Variants in CAPS observed in about 807,000 individuals in gnomAD.
CAPS encodes calcyphosin.
CAPS carries 16 observed loss-of-function variants against 15.5 expected under a neutral mutation model. The ratio of observed to expected loss-of-function variants is 1.03; its 90% CI spans 0.70 to 1.57. The LOEUF (loss-of-function observed/expected upper bound fraction) is 1.57. Ranked by LOEUF, CAPS falls within the 40% of genes most tolerant of loss-of-function variation. The probability of loss-of-function intolerance (pLI) is 0.00; values close to 1 mark genes in which losing one functional copy is unlikely to be tolerated. For missense variants in CAPS, 294 were observed against 278.4 expected (o/e 1.06, Z -0.40); for synonymous variants, 121 against 116.0 (o/e 1.04, Z -0.28).
At position 5,914,639 on chromosome 19, in the gene CAPS, G is replaced by C. The variant is rs199930097; in HGVS notation, c.160G>C (p.Gly54Arg). The change falls in exon 3 of 5, where the codon GGG becomes CGG. Residue 54 changes from glycine (G) to arginine (R), a missense_variant. Physicochemically the swap from Gly to Arg is moderately radical, Grantham distance 125. Coordinates refer to ENST00000588776, the MANE Select transcript of CAPS (RefSeq NM_004058.5). Reference sequence around the variant, plus strand: ...GTTCCGGCAGGGTCTGGCCAAACTCGGGCTGGTGCTGGACCAGGCGGAGGC... The same window carrying C: ...GTTCCGGCAGGGTCTGGCCAAACTCCGGCTGGTGCTGGACCAGGCGGAGGC... ...DEFRQGLAKL[G>R]LVLDQAEAEG... The C allele has an allele frequency of 9.9e-6, 16 of 1,614,016 alleles. No homozygotes were observed. The highest frequency in any genetic ancestry group is 2.2e-5 in the East Asian group (1 of 44,874).
Position 5,915,582 on chromosome 19 carries a change from G to T in CAPS, c.*260G>T, listed in dbSNP as rs1005166857. 8 of 464,586 alleles carry T rather than the reference G, an allele frequency of 1.7e-5. No individual in the cohort carries two copies. The East Asian group carries it at 2.5e-4, about 14-fold the overall frequency. 28.8% of individuals were successfully genotyped at this position (464,586 alleles called of 1,614,324 possible). A position where few individuals can be genotyped will look rare whatever the true frequency, so the allele number is the denominator to read the frequency against. ...CCCCACCCACGCCATGCTGACCAGA[G>T]ATCTTGCAGCCCCTGTGGATGCCCC... On this transcript the variant is annotated 3_prime_UTR_variant, in exon 5 of 5. Coordinates refer to ENST00000588776, the MANE Select transcript of CAPS (RefSeq NM_004058.5).
In CAPS at chr19:5,915,204, C is replaced by G; in HGVS notation, c.469-17C>G. ...GCAGTTCCTCGGCCGTGCCCCCTCA[C>G]GGCCCTCTGTTCCCAGGTCACACTG... On this transcript the variant is annotated splice_polypyrimidine_tract_variant and intron_variant, in intron 4 of 4. Coordinates refer to ENST00000588776, the MANE Select transcript of CAPS (RefSeq NM_004058.5). 4 of 1,611,594 alleles carry G rather than the reference C, an allele frequency of 2.5e-6. No individual in the cohort carries two copies. Among genetic ancestry groups the G allele is most frequent in the Non-Finnish European group, 3.4e-6 (4 of 1,178,944 alleles).
Position 5,914,492 on chromosome 19 carries a change from G to A in CAPS, c.83+3G>A, listed in dbSNP as rs2057712698. On this transcript the variant is annotated splice_donor_region_variant and intron_variant, in intron 2 of 4. Transcript: ENST00000588776. ...TCGGGCATCCAGGGCCTGGCCAGGT[G>A]AGCTGTCCCCTCTCACCTTCCTGAC... is the stretch of plus-strand genomic sequence containing the variant. 9 of 1,609,814 alleles carry A rather than the reference G, an allele frequency of 5.6e-6. No individual in the cohort carries two copies. Among genetic ancestry groups the A allele is most frequent in the East Asian group, 2.2e-5 (1 of 44,802 alleles).
chr19:5,915,374 G>A lies in CAPS; in HGVS notation c.*52G>A, dbSNP rs112677196. On this transcript the variant is annotated 3_prime_UTR_variant, in exon 5 of 5. Coordinates refer to ENST00000588776, the MANE Select transcript of CAPS (RefSeq NM_004058.5). Reference sequence around the variant, plus strand: ...TGGCCTGTCACTCCCCACCCCTGCCGGAGACCTCCCTTCCCTGGGCCCCTT... The same window carrying A: ...TGGCCTGTCACTCCCCACCCCTGCCAGAGACCTCCCTTCCCTGGGCCCCTT... The A allele has an allele frequency of 3.7e-4, 502 of 1,342,804 alleles. 1 individual carries two copies. The highest frequency in any genetic ancestry group is 3.0e-3 in the Middle Eastern group (12 of 3,940). 83.2% of individuals were successfully genotyped at this position (1,342,804 alleles called of 1,614,324 possible). A position where few individuals can be genotyped will look rare whatever the true frequency, so the allele number is the denominator to read the frequency against.
chr19:5,914,807 G>A (rs957637819), intron 3 of CAPS, 67 bp downstream of exon 3: 20 of 1,556,494 alleles, frequency 1.3e-5, no homozygotes, highest in South Asian at 3.6e-5. Context: ...GCTGAGATGC[G>A]GAGACGGGGA....
rs2057715876 is a variant in CAPS, at chr19:5,914,704, G to A, written c.225G>A (p.Gly75=). 3.1e-6 allele frequency: 5 copies of A among 1,613,580 alleles called. No homozygotes were observed. The highest frequency in any genetic ancestry group is 4.2e-6 in the Non-Finnish European group (5 of 1,179,794). The change falls in exon 3 of 5, where the codon GGG becomes GGA. Residue 75 remains glycine (G), a synonymous_variant. Coordinates refer to ENST00000588776, the MANE Select transcript of CAPS (RefSeq NM_004058.5). ...VCRKWDRNGS[G]TLDLEEFLRA... Reference sequence around the variant, plus strand: ...GGAAGTGGGACCGCAATGGCAGCGGGACGCTGGATCTGGAGGAGTTCCTTC... The same window carrying A: ...GGAAGTGGGACCGCAATGGCAGCGGAACGCTGGATCTGGAGGAGTTCCTTC...
Position 5,914,711 on chromosome 19 carries a change from G to C in CAPS, c.232G>C (p.Asp78His). ...GGACCGCAATGGCAGCGGGACGCTG[G>C]ATCTGGAGGAGTTCCTTCGGGCGCT... is the stretch of plus-strand genomic sequence containing the variant. ...KWDRNGSGTLDLEEFLRALRP... is the reference protein window; with the variant it reads ...KWDRNGSGTLHLEEFLRALRP... Residue 78 changes from aspartate (D) to histidine (H), a missense_variant, in exon 3 of 5, where the codon GAT (aspartate) becomes CAT (histidine). By Grantham distance (81) the Asp-to-His change is moderately conservative (BLOSUM62 -1). Transcript: ENST00000588776. The C allele has an allele frequency of 6.2e-7, 1 of 1,613,174 alleles. No homozygotes were observed. The highest frequency in any genetic ancestry group is 1.1e-5 in the South Asian group (1 of 90,982).
chr19:5,914,863 A>G, intron 3 of CAPS, 77 bp from the exon 4 acceptor site: 2 of 1,518,252 alleles, frequency 1.3e-6, no homozygotes, highest in Non-Finnish European at 1.8e-6. Flanking sequence ...TGGGGCATAC[A>G]GCCCCAGTGC....
At position 5,914,276 on chromosome 19, in the gene CAPS, C is replaced by G; in HGVS notation, c.-56C>G. On this transcript the variant is annotated 5_prime_UTR_variant, in exon 1 of 5. Transcript: ENST00000588776. ...GGCACAACACAGCTAACACAAGGCC[C>G]CGCAGGCAGGACTCTGGGACAGACG... The G allele has an allele frequency of 6.4e-7, 1 of 1,571,874 alleles. No individual in the cohort carries two copies. The highest frequency in any genetic ancestry group is 8.6e-7 in the Non-Finnish European group (1 of 1,159,624).
chr19:5,914,354 G>T, intron 1 of CAPS, 31 bp from the exon 2 acceptor site: 1 of 1,612,894 alleles, frequency 6.2e-7, no homozygotes. Context: ...GGGCTTGCGG[G>T]AGTCCCCACC....
rs2057726304 is a variant in CAPS, at chr19:5,915,474, G to T, written c.*152G>T. ...GGAGGCTGCAGGACTGGCTAGACCA[G>T]GTCCCTGCCGGTCCACCAGGCGGAG... On this transcript the variant is annotated 3_prime_UTR_variant, in exon 5 of 5. Coordinates refer to ENST00000588776, the MANE Select transcript of CAPS (RefSeq NM_004058.5). 3 of 605,278 alleles carry T rather than the reference G, an allele frequency of 5.0e-6. No individual in the cohort carries two copies. Among genetic ancestry groups the T allele is most frequent in the South Asian group, 2.0e-5 (1 of 48,880 alleles). 37.5% of individuals were successfully genotyped at this position (605,278 alleles called of 1,614,324 possible).
At chr19:5,914,808 G>A in intron 3 of CAPS, 68 bp downstream of exon 3, 1 of 1,557,894 alleles carries the variant, frequency 6.4e-7, no homozygotes, top group Non-Finnish European at 8.7e-7. Context: ...CTGAGATGCG[G>A]AGACGGGGAC....
chr19:5,914,903 G>C (rs1332691419), intron 3 of CAPS, 37 bp from the exon 4 acceptor site: 1 of 1,578,500 alleles, frequency 6.3e-7, no homozygotes, highest in Non-Finnish European at 8.6e-7. Flanking sequence ...GTTTGGGTGT[G>C]CTACCCACCA....
Position 5,915,222 on chromosome 19 carries a change from T to C in CAPS, c.470T>C (p.Val157Ala). 1 of 1,612,678 alleles carries C rather than the reference T, an allele frequency of 6.2e-7. No homozygotes were observed. Among genetic ancestry groups the C allele is most frequent in the Non-Finnish European group, 8.5e-7 (1 of 1,179,688 alleles). The change falls in exon 5 of 5, where the codon GTC becomes GCC. Residue 157 changes from valine to alanine, a missense_variant and splice_region_variant. Transcript: ENST00000588776. ...NFDSSEKDGQ[V>A]TLAEFQDYYS... ...CCCCTCACGGCCCTCTGTTCCCAGG[T>C]CACACTGGCGGAATTCCAGGACTAC...
chr19:5,915,147 G>C lies in CAPS; in HGVS notation c.468+1G>C. On this transcript the variant is annotated splice_donor_variant, in intron 4 of 4. Transcript: ENST00000588776. LOFTEE classifies it high-confidence loss of function. ...CGACTCCTCTGAGAAGGACGGGCAG[G>C]TGGGTGGCTGCGCGGGGGGCCCCCT... is the stretch of plus-strand genomic sequence containing the variant. 6.2e-7 allele frequency: 1 copy of C among 1,612,938 alleles called. No homozygotes were observed. The highest frequency in any genetic ancestry group is 8.5e-7 in the Non-Finnish European group (1 of 1,179,732).
At chr19:5,914,878 C>T in intron 3 of CAPS, 62 bp from the exon 4 acceptor site, 1 of 1,556,362 alleles carries the variant, frequency 6.4e-7, no homozygotes, top group South Asian at 1.2e-5. Flanking sequence ...CAGTGCTCTG[C>T]ACAGCGTCTT....
At chr19:5,914,511 T>C in intron 2 of CAPS, 22 bp downstream of exon 2, 1 of 1,606,626 alleles carries the variant, frequency 6.2e-7, no homozygotes, top group South Asian at 1.1e-5. Context: ...CCTCTCACCT[T>C]CCTGACCCCG....
chr19:5,915,492 AGGC>A lies in CAPS; in HGVS notation c.*173_*175del. ...TAGACCAGGTCCCTGCCGGTCCACC[AGGC>A]GGAGGTGGGACAAAGGTCCTAACAG... On this transcript the variant is annotated 3_prime_UTR_variant, in exon 5 of 5. Transcript: ENST00000588776. 1.7e-6 allele frequency: 1 copy of A among 600,392 alleles called. No homozygotes were observed. Among genetic ancestry groups the A allele is most frequent in the East Asian group, 2.8e-5 (1 of 35,914 alleles). 37.2% of individuals were successfully genotyped at this position (600,392 alleles called of 1,614,324 possible). A position where few individuals can be genotyped will look rare whatever the true frequency, so the allele number is the denominator to read the frequency against.
At position 5,915,166 on chromosome 19, in the gene CAPS, G is replaced by T. The variant is rs376833140; in HGVS notation, c.468+20G>T. 2 of 1,611,550 alleles carry T rather than the reference G, an allele frequency of 1.2e-6. No individual in the cohort carries two copies. The highest frequency in any genetic ancestry group is 1.7e-6 in the Non-Finnish European group (2 of 1,178,934). On this transcript the variant is annotated intron_variant, in intron 4 of 4. Transcript: ENST00000588776. ...GGGCAGGTGGGTGGCTGCGCGGGGGGCCCCCTCCCCAGGCAGTTCCTCGGC... is the reference window on the plus strand; with the variant it reads ...GGGCAGGTGGGTGGCTGCGCGGGGGTCCCCCTCCCCAGGCAGTTCCTCGGC...
Sources: allele counts gnomAD v4.1 joint callset, GRCh38; gene constraint gnomAD v4.1.1; transcripts MANE v1.5; gene names NCBI Gene and HGNC (gene_info 2026-07-23, HGNC 2026-07-21).